ANKRD17: variants seen among roughly 807,000 people sequenced by gnomAD.
ANKRD17 encodes ankyrin repeat domain 17.
Under a neutral mutation model 229.7 loss-of-function variants are expected in ANKRD17, and 19 were observed. The observed-to-expected ratio is 0.08, with a 90% CI of 0.06 to 0.12. The LOEUF is 0.12. Among genes scored for constraint, ANKRD17 ranks in the 10% least tolerant of loss-of-function variants. The pLI is 1.00. For synonymous variants in ANKRD17, 1,112 were observed against 1,146.1 expected (o/e 0.97, Z 0.60); for missense variants, 2,176 against 3,176.8 (o/e 0.68, Z 7.57).
At chr4:73,113,974 A>T in intron 23 of ANKRD17, 66 bp from the exon 24 acceptor site, 1 of 1,161,586 alleles carries the variant, frequency 8.6e-7, no homozygotes, top group Non-Finnish European at 1.3e-6. Flanking sequence ...AATTCCTAAA[A>T]ACACGAAGAT....
intron 1 of ANKRD17, among the ~76,000 whole-genome samples, chr4:73,232,072 G>T (rs2149242688): frequency 6.6e-6 from 1 of 152,242 alleles, no homozygotes; most frequent in Non-Finnish European, 1.5e-5. Context: ...TCTGTGAGCT[G>T]CTCAGTAAAT....
At chr4:73,141,622 T>G (rs1729618216) in intron 14 of ANKRD17, 119 bp downstream of exon 14, 2 of 895,594 alleles carry the variant, frequency 2.2e-6, no homozygotes, top group Non-Finnish European at 3.5e-6. Context: ...TTATCATGGG[T>G]TAAAAATTTA....
intron 1 of ANKRD17, among the ~76,000 whole-genome samples, chr4:73,209,605 A>AT (rs565450475): frequency 7.8e-4 from 119 of 152,068 alleles, no homozygotes; most frequent in Non-Finnish European, 1.3e-3. Context: ...TATACTCCCA[A>AT]TTTTTTTTAC....
chr4:73,219,251 A>G (rs1741536285), intron 1 of ANKRD17, among the ~76,000 whole-genome samples: 1 of 152,224 alleles, frequency 6.6e-6, no homozygotes, highest in Non-Finnish European at 1.5e-5. Flanking sequence ...CACCATGGTT[A>G]CTTTAGAAAT....
chr4:73,189,403 G>GTGTTTT (rs1553932825), intron 1 of ANKRD17, among the ~76,000 whole-genome samples: 1 of 112,700 alleles, frequency 8.9e-6, no homozygotes, highest in African/African-American at 3.5e-5. Flanking sequence ...TGCCTGGAAT[G>GTGTTTT]TTTTTTTTTT....
intron 1 of ANKRD17, among the ~76,000 whole-genome samples, chr4:73,231,466 A>T (rs988579121): frequency 6.6e-6 from 1 of 152,176 alleles, no homozygotes; most frequent in African/African-American, 2.4e-5. Flanking sequence ...TTTCCAGCCT[A>T]ATCTATTCAT....
intron 27 of ANKRD17, among the ~76,000 whole-genome samples, chr4:73,094,486 G>A (rs769704697): frequency 6.6e-6 from 1 of 151,836 alleles, no homozygotes; most frequent in African/African-American, 2.4e-5. Flanking sequence ...CACTTGTATC[G>A]GTAAAGCACA....
In ANKRD17 at chr4:73,245,478, G is replaced by A. The variant is rs986000623; in HGVS notation, c.393+12798C>T. ...CTGAGTCTACAATTGTTCTCTCTTC[G>A]CTGTATCTTCCCTTCCTGACTGCCT... On this transcript the variant is annotated intron_variant, in intron 1 of 33. Coordinates refer to ENST00000358602, the MANE Select transcript of ANKRD17 (RefSeq NM_032217.5). Among the ~76,000 whole-genome samples, 10 of 152,158 alleles carry A rather than the reference G, an allele frequency of 6.6e-5. No individual in the cohort carries two copies. The East Asian group carries it at 1.4e-3, about 21-fold the overall frequency.
intron 1 of ANKRD17, among the ~76,000 whole-genome samples, chr4:73,228,278 A>G (rs1255852459): frequency 5.3e-5 from 8 of 152,304 alleles, no homozygotes; most frequent in African/African-American, 9.6e-5. Flanking sequence ...CATTATTAAA[A>G]CAACACATTC....
At chr4:73,186,881 C>T (rs991815053) in intron 1 of ANKRD17, among the ~76,000 whole-genome samples, 7 of 151,998 alleles carry the variant, frequency 4.6e-5, no homozygotes, top group Non-Finnish European at 8.8e-5. Flanking sequence ...TTAGCCTGCT[C>T]CAGGAATTAT....
chr4:73,118,591 G>A lies in ANKRD17; in HGVS notation c.4188+97C>T, dbSNP rs1330251348. The A allele has an allele frequency of 6.6e-6, 9 of 1,371,092 alleles. No homozygotes were observed. In the African/African-American group the frequency reaches 1.3e-4, roughly 20 times the overall value. 84.9% of individuals were successfully genotyped at this position (1,371,092 alleles called of 1,614,324 possible). ...GCATATTATTGCTTTCATCACAGCT[G>A]CAAAAGCACAAAATGAGTCTTTAGT... On this transcript the variant is annotated intron_variant, in intron 22 of 33. Coordinates refer to ENST00000358602, the MANE Select transcript of ANKRD17 (RefSeq NM_032217.5).
intron 1 of ANKRD17, among the ~76,000 whole-genome samples, chr4:73,232,421 T>G (rs1192297956): frequency 6.6e-6 from 1 of 152,202 alleles, no homozygotes; most frequent in African/African-American, 2.4e-5. Context: ...TTTTTTGTAC[T>G]TCCGAATTTT....
rs1578485540 is a variant in ANKRD17, at chr4:73,235,365, A to G, written c.393+22911T>C. 2.0e-5 allele frequency among the ~76,000 whole-genome samples: 3 copies of G among 152,308 alleles called. No individual in the cohort carries two copies. In the East Asian group the frequency reaches 5.8e-4, roughly 29 times the overall value. Reference sequence around the variant, plus strand: ...ACAGTAACAGGGTTGCAGCCATACTACTAACACTATTCAAGTTTAGATCCA... The same window carrying G: ...ACAGTAACAGGGTTGCAGCCATACTGCTAACACTATTCAAGTTTAGATCCA... On this transcript the variant is annotated intron_variant, in intron 1 of 33. Coordinates refer to ENST00000358602, the MANE Select transcript of ANKRD17 (RefSeq NM_032217.5).
At chr4:73,115,015 T>G (rs1194342642) in intron 23 of ANKRD17, among the ~76,000 whole-genome samples, 1 of 152,206 alleles carries the variant, frequency 6.6e-6, no homozygotes, top group African/African-American at 2.4e-5. Flanking sequence ...TTGCATTTCC[T>G]GCAAAATTCC....
chr4:73,126,202 T>G (rs1727447889), intron 16 of ANKRD17, among the ~76,000 whole-genome samples: 1 of 152,090 alleles, frequency 6.6e-6, no homozygotes, highest in Non-Finnish European at 1.5e-5. Flanking sequence ...ACTCTGGAGA[T>G]GTGCAGAGGA....
At chr4:73,233,858 T>C (rs563782929) in intron 1 of ANKRD17, among the ~76,000 whole-genome samples, 1 of 152,150 alleles carries the variant, frequency 6.6e-6, no homozygotes, top group African/African-American at 2.4e-5. Flanking sequence ...AAGAACTTAG[T>C]TATTTGATTT....
intron 1 of ANKRD17, 140 bp from the exon 2 acceptor site, chr4:73,177,673 A>G (rs889549313): frequency 5.0e-6 from 3 of 602,164 alleles, no homozygotes; most frequent in African/African-American, 3.7e-5. Flanking sequence ...GCAACCCTAA[A>G]AAGTTCAACA....
intron 1 of ANKRD17, among the ~76,000 whole-genome samples, chr4:73,227,781 T>G (rs1292570622): frequency 2.0e-5 from 3 of 152,116 alleles, no homozygotes; most frequent in African/African-American, 4.8e-5. Context: ...TTGGTTTCCT[T>G]GAAGAAGGAA....
chr4:73,242,742 G>T (rs1400653708), intron 1 of ANKRD17, among the ~76,000 whole-genome samples: 1 of 152,118 alleles, frequency 6.6e-6, no homozygotes, highest in Non-Finnish European at 1.5e-5. Flanking sequence ...ATGACTTGTG[G>T]CTTATAAAAA....
Sources: allele counts gnomAD v4.1 joint callset (sites outside exome capture counted in the v4.1 genomes callset), GRCh38; gene constraint gnomAD v4.1.1; transcripts MANE v1.5; gene names NCBI Gene and HGNC (gene_info 2026-07-23, HGNC 2026-07-21).